KIAA1671: variants seen among roughly 807,000 people sequenced by gnomAD.
The protein encoded by KIAA1671 is KIAA1671.
In KIAA1671, 52 loss-of-function variants were observed where a neutral mutation model predicts 131.2. The ratio of observed to expected loss-of-function variants is 0.40; its 90% CI spans 0.32 to 0.50. The LOEUF (loss-of-function observed/expected upper bound fraction) is 0.50, where lower values mean the gene tolerates loss of function less well. Among genes scored for constraint, KIAA1671 ranks in the 20% least tolerant of loss-of-function variants. KIAA1671 has a pLI of 0.73. For synonymous variants in KIAA1671, 1,003 were observed against 961.6 expected (o/e 1.04, Z -0.80); for missense variants, 2,360 against 2,364.2 (o/e 1.00, Z 0.04).
At chr22:25,188,447 G>GGGGTGTGT (rs1347509182) in intron 11 of KIAA1671, among the ~76,000 whole-genome samples, 8 of 137,890 alleles carry the variant, frequency 5.8e-5, no homozygotes, top group East Asian at 2.2e-4. Context: ...GAGCCAATCG[G>GGGGTGTGT]GTGTGTGTGT....
At position 25,190,771 on chromosome 22, in the gene KIAA1671, C is replaced by A; in HGVS notation, c.5412C>A (p.Asn1804Lys). Residue 1804 changes from asparagine to lysine, a missense_variant, in exon 12 of 13, where the codon AAC (asparagine) becomes AAA (lysine). Transcript: ENST00000358431. ...KSKKRQSLYE[N>K]QV The stretch of plus-strand genomic sequence containing the variant: ...AGAAGAGGCAAAGTCTTTATGAGAA[C>A]CAAGTTTGACCAGGTATGAAGGGGC... 1 of 1,550,690 alleles carries A rather than the reference C, an allele frequency of 6.4e-7. No homozygotes were observed. The highest frequency in any genetic ancestry group is 8.7e-7 in the Non-Finnish European group (1 of 1,145,948).
chr22:25,174,596 G>A lies in KIAA1671; in HGVS notation c.4899+107G>A. ...TGTGTGCCAGGGACCCTTGGAGTGG[G>A]TACGGAGGGCACTGTCTTTGAAATG... On this transcript the variant is annotated intron_variant, in intron 8 of 12. Coordinates refer to ENST00000358431, the MANE Select transcript of KIAA1671 (RefSeq NM_001145206.2). The A allele has an allele frequency of 2.3e-6, 3 of 1,277,866 alleles. No homozygotes were observed. The South Asian group carries it at 4.7e-5, about 20-fold the overall frequency. 79.2% of individuals were successfully genotyped at this position (1,277,866 alleles called of 1,614,324 possible).
rs2145805912 is a variant in KIAA1671, at chr22:25,040,055, A to G, written c.2925A>G (p.Arg975=). 2.6e-6 allele frequency: 4 copies of G among 1,551,710 alleles called. No individual in the cohort carries two copies. The highest frequency in any genetic ancestry group is 1.2e-5 in the South Asian group (1 of 84,060). ...VPEDSPHVGH[R]RTDYVSPTAS... ...AGGACTCTCCACATGTGGGGCACAG[A>G]CGAACAGATTATGTGAGCCCCACAG... is the stretch of plus-strand genomic sequence containing the variant. The change falls in exon 5 of 13, where the codon AGA becomes AGG. Residue 975 remains arginine (R), a synonymous_variant. Transcript: ENST00000358431.
chr22:25,036,207 A>G (rs971862095), intron 4 of KIAA1671, among the ~76,000 whole-genome samples: 2 of 152,030 alleles, frequency 1.3e-5, no homozygotes, highest in African/African-American at 4.8e-5. Context: ...CAGCCTCCTG[A>G]GTAGCTGGGA....
intron 6 of KIAA1671, among the ~76,000 whole-genome samples, chr22:25,140,621 G>A (rs1932793619): frequency 6.6e-6 from 1 of 152,220 alleles, no homozygotes; most frequent in African/African-American, 2.4e-5. Flanking sequence ...GTGAACACCA[G>A]GAGGCAGGGA....
At position 25,183,426 on chromosome 22, in the gene KIAA1671, TTCCCTCCCTCCCTCCC is replaced by T. The variant is rs67759608; in HGVS notation, c.5200-1528_5200-1513del. Among the ~76,000 whole-genome samples, 682 of 110,994 alleles carry T rather than the reference TTCCCTCCCTCCCTCCC, an allele frequency of 6.1e-3. 3 individuals are homozygous for T. Among genetic ancestry groups the T allele is most frequent in the South Asian group, 0.011 (33 of 3,052 alleles). The allele number at this position is 110,994 out of a possible 152,430, so 72.8% of individuals were successfully genotyped here. A position where few individuals can be genotyped will look rare whatever the true frequency, so the allele number is the denominator to read the frequency against. On this transcript the variant is annotated intron_variant, in intron 10 of 12. Coordinates refer to ENST00000358431, the MANE Select transcript of KIAA1671 (RefSeq NM_001145206.2). ...TAGGTTAGAGGTTTTCTGACTTTCT[TTCCCTCCCTCCCTCCC>T]TCCCTCCCTCCCTCCCTCCCTCTCT...
chr22:25,004,584 A>T (rs1924643309), intron 1 of KIAA1671, among the ~76,000 whole-genome samples: 1 of 152,194 alleles, frequency 6.6e-6, no homozygotes, highest in African/African-American at 2.4e-5. Flanking sequence ...TCCAGGAAAC[A>T]AATTTAAAAC....
intron 4 of KIAA1671, among the ~76,000 whole-genome samples, chr22:25,037,011 AT>A (rs1398236326): frequency 6.6e-6 from 1 of 152,210 alleles, no homozygotes; most frequent in African/African-American, 2.4e-5. Flanking sequence ...TGTATTGTTT[AT>A]GTAAAATTTA....
intron 9 of KIAA1671, among the ~76,000 whole-genome samples, chr22:25,180,859 T>C (rs1187386402): frequency 6.6e-6 from 1 of 152,198 alleles, no homozygotes; most frequent in Non-Finnish European, 1.5e-5. Flanking sequence ...AGCCAAGTTC[T>C]ATTAAGCCAC....
At chr22:24,985,991 G>A (rs1028325314) in intron 1 of KIAA1671, among the ~76,000 whole-genome samples, 11 of 152,178 alleles carry the variant, frequency 7.2e-5, no homozygotes, top group Non-Finnish European at 1.3e-4. Flanking sequence ...TTGTGTGCGT[G>A]TGTGTGTTAT....
At chr22:24,976,989 G>C (rs974847153) in intron 1 of KIAA1671, among the ~76,000 whole-genome samples, 1 of 152,116 alleles carries the variant, frequency 6.6e-6, no homozygotes, top group Non-Finnish European at 1.5e-5. Context: ...CCTGTGAAAC[G>C]CAGGGGAAGT....
chr22:24,972,344 G>C (rs1602035399), intron 1 of KIAA1671, among the ~76,000 whole-genome samples: 1 of 152,314 alleles, frequency 6.6e-6, no homozygotes, highest in South Asian at 2.1e-4. Flanking sequence ...CATATGGTCA[G>C]AACTACCCAT....
Position 25,041,059 on chromosome 22 carries a change from G to T in KIAA1671, c.3929G>T (p.Gly1310Val), listed in dbSNP as rs867947486. ...TCGGCTCCTTCTGAAAGGTATCCAGGGGGCTCTCCTATACCTGCGGATCCC... is the reference window on the plus strand; with the variant it reads ...TCGGCTCCTTCTGAAAGGTATCCAGTGGGCTCTCCTATACCTGCGGATCCC... ...PPSAPSERYP[G>V]GSPIPADPRK... is the part of the protein sequence containing the mutation. The change falls in exon 5 of 13, where the codon GGG becomes GTG. Residue 1310 changes from glycine to valine, a missense_variant. Around this residue, in one of 3 missense-constraint regions of KIAA1671, gnomAD observed 1,161 missense variants for 1,204.7 expected, o/e 0.96. Transcript: ENST00000358431. The T allele has an allele frequency of 1.3e-4, 192 of 1,522,006 alleles. No individual in the cohort carries two copies. In the African/African-American group the frequency reaches 2.2e-3, roughly 17 times the overall value. 94.3% of individuals were successfully genotyped at this position (1,522,006 alleles called of 1,614,324 possible). A position where few individuals can be genotyped will look rare whatever the true frequency, so the allele number is the denominator to read the frequency against.
At chr22:25,128,746 C>T (rs1283597785) in intron 6 of KIAA1671, among the ~76,000 whole-genome samples, 1 of 152,218 alleles carries the variant, frequency 6.6e-6, no homozygotes, top group Non-Finnish European at 1.5e-5. Context: ...CACAGCAATG[C>T]TAGACTCACA....
chr22:25,089,462 C>T (rs535127468), intron 6 of KIAA1671, among the ~76,000 whole-genome samples: 11 of 151,764 alleles, frequency 7.2e-5, no homozygotes, highest in East Asian at 1.9e-4. Flanking sequence ...TTAGTAGAGA[C>T]GGGTTTTATC....
At chr22:25,087,357 G>T (rs995925797) in intron 6 of KIAA1671, among the ~76,000 whole-genome samples, 2 of 152,192 alleles carry the variant, frequency 1.3e-5, no homozygotes, top group Non-Finnish European at 2.9e-5. Context: ...GGCCGAGGTG[G>T]TGGATTACCT....
intron 12 of KIAA1671, among the ~76,000 whole-genome samples, 197 bp from the exon 13 acceptor site, chr22:25,192,209 T>G (rs556836341): frequency 5.3e-5 from 8 of 152,150 alleles, no homozygotes; most frequent in Non-Finnish European, 1.0e-4. Context: ...AATTTCATGT[T>G]GGTTTCACTG....
chr22:25,158,431 C>T (rs1390315648), intron 6 of KIAA1671, among the ~76,000 whole-genome samples: 12 of 152,164 alleles, frequency 7.9e-5, no homozygotes, highest in African/African-American at 2.9e-4. Flanking sequence ...ACGATAATCA[C>T]AGCCCAGCCC....
chr22:25,134,807 C>G (rs533800967), intron 6 of KIAA1671, among the ~76,000 whole-genome samples: 64 of 152,308 alleles, frequency 4.2e-4, no homozygotes, highest in African/African-American at 1.5e-3. Flanking sequence ...GCTCTGTAAC[C>G]TGGGGTAAAC....
Sources: allele counts gnomAD v4.1 joint callset (sites outside exome capture counted in the v4.1 genomes callset), GRCh38; gene constraint gnomAD v4.1.1; regional missense constraint gnomAD v4.1.1; transcripts MANE v1.5; gene names NCBI Gene and HGNC (gene_info 2026-07-23, HGNC 2026-07-21).